The following HMMR variants were observed in gnomAD, a reference collection of about 807,000 sequenced individuals.
HMMR encodes hyaluronan mediated motility receptor, also known as intracellular hyaluronic acid-binding protein.
In HMMR, 108 loss-of-function variants were observed where a neutral mutation model predicts 101.0. The ratio of observed to expected loss-of-function variants is 1.07; its 90% CI spans 0.92 to 1.25. The LOEUF is 1.25. Ranked by LOEUF, HMMR falls within the 50% of genes most tolerant of loss-of-function variation. The pLI is 0.00. For missense variants in HMMR, 813 were observed against 788.7 expected (o/e 1.03, Z -0.37); for synonymous variants, 296 against 276.4 (o/e 1.07, Z -0.70).
At chr5:163,487,233 A>T (rs1759453745) in intron 16 of HMMR, among the ~76,000 whole-genome samples, 1 of 152,036 alleles carries the variant, frequency 6.6e-6, no homozygotes, top group Admixed American at 6.6e-5. Flanking sequence ...TGTTGATATG[A>T]TGTATTTTAT....
In HMMR at chr5:163,467,749, G is replaced by A; in HGVS notation, c.273+1G>A. 4 of 1,484,158 alleles carry A rather than the reference G, an allele frequency of 2.7e-6. No individual in the cohort carries two copies. The highest frequency in any genetic ancestry group is 3.8e-6 in the Non-Finnish European group (4 of 1,065,952). The allele number at this position is 1,484,158 out of a possible 1,614,324, so 91.9% of individuals were successfully genotyped here. A position where few individuals can be genotyped will look rare whatever the true frequency, so the allele number is the denominator to read the frequency against. On this transcript the variant is annotated splice_donor_variant, in intron 4 of 17. Transcript: ENST00000393915. LOFTEE classifies it high-confidence loss of function. Reference sequence around the variant, plus strand: ...AGATTTGAAGATATTAGAGAAAGAGGTAAGCAGTGCTTTAAACTTAGTGAA... The same window carrying A: ...AGATTTGAAGATATTAGAGAAAGAGATAAGCAGTGCTTTAAACTTAGTGAA...
chr5:163,460,880 G>T (rs1003331859), intron 1 of HMMR, 142 bp downstream of exon 1: 7 of 729,060 alleles, frequency 9.6e-6, no homozygotes, highest in Admixed American at 2.1e-5. Flanking sequence ...TCTCAAATAT[G>T]CTCTAAGCAT....
At chr5:163,485,469 A>G (rs1018656766) in intron 16 of HMMR, among the ~76,000 whole-genome samples, 1 of 152,168 alleles carries the variant, frequency 6.6e-6, no homozygotes, top group Non-Finnish European at 1.5e-5. Flanking sequence ...GGCCATTTGT[A>G]TATCTTCATG....
intron 13 of HMMR, 95 bp from the exon 14 acceptor site, chr5:163,482,925 C>T (rs1561645265): frequency 2.2e-6 from 3 of 1,353,602 alleles, no homozygotes; most frequent in Non-Finnish European, 3.0e-6. Flanking sequence ...AATGACACTT[C>T]TTGAAGAGTT....
intron 12 of HMMR, among the ~76,000 whole-genome samples, chr5:163,481,588 CT>C (rs1377416700): frequency 2.6e-5 from 4 of 152,168 alleles, no homozygotes; most frequent in African/African-American, 4.8e-5. Context: ...CTTTCTACCC[CT>C]AGTCTCTCAT....
chr5:163,460,710 GC>G lies in HMMR; in HGVS notation c.21del (p.Leu8Ter), dbSNP rs1561633036. 1.9e-6 allele frequency: 3 copies of G among 1,608,250 alleles called. No homozygotes were observed. The highest frequency in any genetic ancestry group is 2.5e-6 in the Non-Finnish European group (3 of 1,177,332). ...CCGTCAACATGTCCTTTCCTAAGGC[GC>G]CCTTGAAACGATTCAATGACCCTTC... Reference protein sequence around the residue: MSFPKAPLKRFNDPSGC... With the variant: MSFPKAXLKRFNDPSGC... On this transcript the variant is annotated frameshift_variant, in exon 1 of 18. Coordinates refer to ENST00000393915, the MANE Select transcript of HMMR (RefSeq NM_001142556.2). LOFTEE classifies it high-confidence loss of function.
intron 10 of HMMR, 81 bp from the exon 11 acceptor site, chr5:163,475,377 T>C: frequency 1.4e-6 from 1 of 694,630 alleles, no homozygotes. Flanking sequence ...CATCCTTCTT[T>C]ATCTGTACTT....
Position 163,482,752 on chromosome 5 carries a change from T to C in HMMR, c.1496T>C (p.Ile499Thr), listed in dbSNP as rs1177547957. Residue 499 changes from isoleucine (I) to threonine (T), a missense_variant, in exon 13 of 18, where the codon ATT becomes ACT. Ile to Thr is a moderately conservative substitution (Grantham distance 89). Coordinates refer to ENST00000393915, the MANE Select transcript of HMMR (RefSeq NM_001142556.2). Reference sequence around the variant, plus strand: ...AATGCAGAGGATGTTCAGCATCAGATTTTGGCAACTGAGAGCTCAAATCAA... The same window carrying C: ...AATGCAGAGGATGTTCAGCATCAGACTTTGGCAACTGAGAGCTCAAATCAA... ...GKNAEDVQHQ[I>T]LATESSNQEY... 6.2e-7 allele frequency: 1 copy of C among 1,613,812 alleles called. No individual in the cohort carries two copies. Among genetic ancestry groups the C allele is most frequent in the Admixed American group, 1.7e-5 (1 of 60,010 alleles).
At chr5:163,474,919 G>T (rs1759019003) in intron 10 of HMMR, among the ~76,000 whole-genome samples, 1 of 151,814 alleles carries the variant, frequency 6.6e-6, no homozygotes, top group South Asian at 2.1e-4. Flanking sequence ...CTCCCCAAAT[G>T]TATATGTATA....
intron 11 of HMMR, among the ~76,000 whole-genome samples, chr5:163,477,843 C>T (rs1483099389): frequency 6.6e-6 from 1 of 152,006 alleles, no homozygotes; most frequent in Non-Finnish European, 1.5e-5. Context: ...AAAATAATTC[C>T]TCTAGGGGAC....
At chr5:163,490,094 T>G (rs1759634330) in intron 16 of HMMR, among the ~76,000 whole-genome samples, 1 of 152,212 alleles carries the variant, frequency 6.6e-6, no homozygotes, top group Non-Finnish European at 1.5e-5. Flanking sequence ...CAGCAGAACT[T>G]TCATGCTGTC....
At chr5:163,477,815 AAAAC>A (rs1048643376) in intron 11 of HMMR, among the ~76,000 whole-genome samples, 19 of 152,182 alleles carry the variant, frequency 1.2e-4, no homozygotes, top group African/African-American at 9.6e-5. Flanking sequence ...GCTTAAGAGA[AAAAC>A]AAACTAAGAA....
chr5:163,474,020 T>C (rs1357577378), intron 9 of HMMR, 37 bp from the exon 10 acceptor site: 1 of 1,562,454 alleles, frequency 6.4e-7, no homozygotes, highest in Non-Finnish European at 8.7e-7. Flanking sequence ...AATGTTCTTA[T>C]CTAATTCCAG....
chr5:163,473,159 A>G lies in HMMR; in HGVS notation c.651-20A>G, dbSNP rs1428738723. ...AATAACGAAACTAGAATGTATTAAC[A>G]TATGCAATTTTTGTTTTAGTGTTTC... On this transcript the variant is annotated intron_variant, in intron 7 of 17. Transcript: ENST00000393915. 4 of 1,222,706 alleles carry G rather than the reference A, an allele frequency of 3.3e-6. No homozygotes were observed. Among genetic ancestry groups the G allele is most frequent in the South Asian group, 2.5e-5 (2 of 80,544 alleles). The allele number at this position is 1,222,706 out of a possible 1,614,324, so 75.7% of individuals were successfully genotyped here. A position where few individuals can be genotyped will look rare whatever the true frequency, so the allele number is the denominator to read the frequency against.
chr5:163,473,769 C>T (rs1464264935), intron 9 of HMMR, among the ~76,000 whole-genome samples: 1 of 151,952 alleles, frequency 6.6e-6, no homozygotes, highest in Non-Finnish European at 1.5e-5. Context: ...TATTTCAATA[C>T]AGCATATTAC....
intron 3 of HMMR, among the ~76,000 whole-genome samples, chr5:163,467,076 C>CA (rs142604896): frequency 1.6e-3 from 250 of 152,294 alleles, no homozygotes; most frequent in African/African-American, 5.8e-3. Flanking sequence ...ATGTCACCCC[C>CA]ACCTCCTGCC....
At chr5:163,468,626 T>C (rs1056204572) in intron 4 of HMMR, among the ~76,000 whole-genome samples, 2 of 152,226 alleles carry the variant, frequency 1.3e-5, no homozygotes, top group African/African-American at 4.8e-5. Context: ...TTCTTTTTTA[T>C]GTATTCTAAT....
At chr5:163,461,988 C>G (rs989052399) in intron 1 of HMMR, among the ~76,000 whole-genome samples, 1 of 152,130 alleles carries the variant, frequency 6.6e-6, no homozygotes, top group Non-Finnish European at 1.5e-5. Context: ...TTCGTGGTTA[C>G]TCATTACGTC....
intron 16 of HMMR, 91 bp downstream of exon 16, chr5:163,484,336 C>A: frequency 1.5e-6 from 1 of 665,178 alleles, no homozygotes; most frequent in Non-Finnish European, 2.4e-6. Flanking sequence ...TCTTTGGTAT[C>A]AGAAAAAAAT....
Sources: allele counts gnomAD v4.1 joint callset (sites outside exome capture counted in the v4.1 genomes callset), GRCh38; gene constraint gnomAD v4.1.1; transcripts MANE v1.5; gene names NCBI Gene and HGNC (gene_info 2026-07-23, HGNC 2026-07-21).